NIPBL: variants seen among roughly 807,000 people sequenced by gnomAD.
NIPBL encodes nipped-B-like protein.
In NIPBL, 19 loss-of-function variants were observed where a neutral mutation model predicts 321.8. The observed-to-expected ratio is 0.06, with a 90% CI of 0.04 to 0.09. The LOEUF is 0.09. Among genes scored for constraint, NIPBL ranks in the 10% least tolerant of loss-of-function variants. NIPBL has a pLI of 1.00. For missense variants in NIPBL, 2,210 were observed against 3,327.0 expected (o/e 0.66, Z 8.26); for synonymous variants, 1,106 against 1,114.1 (o/e 0.99, Z 0.14).
At chr5:37,033,023 G>A (rs1424038527) in intron 32 of NIPBL, among the ~76,000 whole-genome samples, 4 of 152,100 alleles carry the variant, frequency 2.6e-5, no homozygotes, top group Non-Finnish European at 4.4e-5. Context: ...TAAGTGCATG[G>A]CTAATATATG....
chr5:37,024,764 T>C (rs1215235796), intron 30 of NIPBL, 45 bp downstream of exon 30: 1 of 1,483,114 alleles, frequency 6.7e-7, no homozygotes, highest in South Asian at 1.2e-5. Context: ...ATGTTTAAAA[T>C]AAGTTAAATG....
At chr5:36,893,380 C>CAT (rs1746493445) in intron 1 of NIPBL, among the ~76,000 whole-genome samples, 1 of 152,138 alleles carries the variant, frequency 6.6e-6, no homozygotes, top group Non-Finnish European at 1.5e-5. Flanking sequence ...GACCAGGTGA[C>CAT]ATACTGCCAA....
intron 46 of NIPBL, chr5:37,064,223 T>C: frequency 7.2e-7 from 1 of 1,383,196 alleles, no homozygotes; most frequent in South Asian, 1.7e-5. Context: ...TTCTTTGAAT[T>C]GTATTAATGT....
At chr5:36,929,619 T>C (rs904528746) in intron 1 of NIPBL, among the ~76,000 whole-genome samples, 3 of 152,108 alleles carry the variant, frequency 2.0e-5, no homozygotes, top group Non-Finnish European at 4.4e-5. Context: ...ATCTAAGAAC[T>C]CTGCCTTGTT....
chr5:37,020,790 T>A lies in NIPBL; in HGVS notation c.5241T>A (p.Thr1747=). 2.5e-6 allele frequency: 4 copies of A among 1,614,092 alleles called. No homozygotes were observed. Among genetic ancestry groups the A allele is most frequent in the Middle Eastern group, 1.6e-4 (1 of 6,062 alleles). The part of the protein sequence containing the change: ...QFSTLKMNSD[T]VDYDDACLIV... ...TTTGTTGCAGGATGAACTCTGATAC[T>A]GTGGACTATGATGATGCTTGCTTGA... The change falls in exon 27 of 47, where the codon ACT becomes ACA. Residue 1747 remains threonine, a synonymous_variant. Transcript: ENST00000282516.
chr5:37,038,788 C>G, intron 34 of NIPBL, 50 bp downstream of exon 34: 1 of 1,587,834 alleles, frequency 6.3e-7, no homozygotes, highest in Non-Finnish European at 8.6e-7. Flanking sequence ...ACATTAAGTG[C>G]TTTAAATTTA....
intron 38 of NIPBL, among the ~76,000 whole-genome samples, chr5:37,047,115 G>C (rs910404537): frequency 6.6e-6 from 1 of 152,076 alleles, no homozygotes; most frequent in Non-Finnish European, 1.5e-5. Flanking sequence ...GTATACGAGA[G>C]GATATGAGTA....
At position 37,000,835 on chromosome 5, in the gene NIPBL, A is replaced by G. The variant is rs771559939; in HGVS notation, c.3521A>G (p.Lys1174Arg). The G allele has an allele frequency of 3.7e-6, 6 of 1,611,928 alleles. No homozygotes were observed. The South Asian group carries it at 4.4e-5, about 12-fold the overall frequency. ...SLSEVARKMK[K>R]KEKQKKRKAY... ...GTTTTAGTTGCTAGGAAAATGAAGA[A>G]AAAAGAAAAACAGAAGAAAAGGAAA... is the stretch of plus-strand genomic sequence containing the variant. The change falls in exon 13 of 47, where the codon AAA (lysine) becomes AGA (arginine). Residue 1174 changes from lysine to arginine, a missense_variant. Lys to Arg is a conservative substitution (Grantham distance 26, BLOSUM62 2). Transcript: ENST00000282516.
chr5:36,925,077 T>A (rs1749248140), intron 1 of NIPBL, among the ~76,000 whole-genome samples: 1 of 152,234 alleles, frequency 6.6e-6, no homozygotes, highest in African/African-American at 2.4e-5. Flanking sequence ...GAGGTCAATA[T>A]CTGTCTGACA....
chr5:36,898,754 A>G (rs1746979689), intron 1 of NIPBL, among the ~76,000 whole-genome samples: 2 of 151,904 alleles, frequency 1.3e-5, no homozygotes, highest in East Asian at 1.9e-4. Context: ...CAGGCGATCC[A>G]CCCACCTCAC....
At chr5:36,989,675 TAAAAATAC>T (rs1479902991) in intron 10 of NIPBL, among the ~76,000 whole-genome samples, 7 of 151,790 alleles carry the variant, frequency 4.6e-5, no homozygotes, top group Non-Finnish European at 1.0e-4. Flanking sequence ...CCACCTCTAC[TAAAAATAC>T]AAAAATTAGT....
chr5:36,892,681 T>C (rs552630947), intron 1 of NIPBL, among the ~76,000 whole-genome samples: 4 of 151,800 alleles, frequency 2.6e-5, no homozygotes, highest in East Asian at 1.9e-4. Context: ...AGGGAACTAT[T>C]GCAAGGACAA....
chr5:37,000,401 T>A lies in NIPBL; in HGVS notation c.3333T>A (p.Asp1111Glu). The A allele has an allele frequency of 1.2e-6, 2 of 1,613,102 alleles. No individual in the cohort carries two copies. The change falls in exon 12 of 47, where the codon GAT (aspartate) becomes GAA (glutamate). Residue 1111 changes from aspartate (D) to glutamate (E), a missense_variant. Coordinates refer to ENST00000282516, the MANE Select transcript of NIPBL (RefSeq NM_133433.4). ...ESSRKRHKKD[D>E]DKAWEYEERD... ...CTAGGAAACGACATAAAAAAGATGA[T>A]GATAAAGCTTGGGAATATGAAGAGC...
At chr5:36,938,577 A>G (rs1738714460) in intron 1 of NIPBL, among the ~76,000 whole-genome samples, 1 of 152,212 alleles carries the variant, frequency 6.6e-6, no homozygotes, top group African/African-American at 2.4e-5. Context: ...TTGTTCTGCA[A>G]AGTTTCTAAA....
At chr5:36,960,433 A>T (rs1741486846) in intron 4 of NIPBL, among the ~76,000 whole-genome samples, 1 of 152,096 alleles carries the variant, frequency 6.6e-6, no homozygotes, top group African/African-American at 2.4e-5. Flanking sequence ...GCTATGGAGC[A>T]AAACAATTCT....
intron 1 of NIPBL, among the ~76,000 whole-genome samples, chr5:36,943,725 T>C (rs1739361324): frequency 6.6e-6 from 1 of 152,064 alleles, no homozygotes; most frequent in African/African-American, 2.4e-5. Flanking sequence ...TGCCACTGAA[T>C]GAGTTCAACA....
intron 1 of NIPBL, among the ~76,000 whole-genome samples, chr5:36,951,328 C>A (rs1392493841): frequency 1.3e-5 from 2 of 152,152 alleles, no homozygotes; most frequent in African/African-American, 4.8e-5. Context: ...ACAGTAGAAT[C>A]CTCTAGCATA....
chr5:36,902,663 A>T (rs2149536017), intron 1 of NIPBL, among the ~76,000 whole-genome samples: 1 of 152,174 alleles, frequency 6.6e-6, no homozygotes, highest in African/African-American at 2.4e-5. Flanking sequence ...GTATAGTTTG[A>T]AGTTGGATGG....
At chr5:37,061,051 A>G in intron 45 of NIPBL, 33 bp downstream of exon 45, 3 of 1,576,778 alleles carry the variant, frequency 1.9e-6, no homozygotes, top group Non-Finnish European at 2.6e-6. Context: ...TTTACTTCTC[A>G]TAAGGGCTTT....
Sources: gnomAD v4.1 joint callset for allele counts (sites outside exome capture counted in the v4.1 genomes callset) on GRCh38, gnomAD v4.1.1 for gene constraint, MANE v1.5 for transcripts, NCBI Gene and HGNC (gene_info 2026-07-23, HGNC 2026-07-21) for gene names.